Variants in SLC8B1 observed in about 807,000 individuals in gnomAD.
SLC8B1 encodes mitochondrial sodium/calcium exchanger protein.
In SLC8B1, 52 loss-of-function variants were observed where a neutral mutation model predicts 63.4. The ratio of observed to expected loss-of-function variants is 0.82; its 90% CI spans 0.66 to 1.03. The LOEUF is 1.03. Ranked by LOEUF, SLC8B1 falls within the 50% of genes least tolerant of loss-of-function variation. SLC8B1 has a pLI of 0.00. For synonymous variants in SLC8B1, 336 were observed against 323.9 expected, an observed-to-expected ratio of 1.04 and a Z score of -0.40; for missense variants, 657 against 741.7, an observed-to-expected ratio of 0.89 and a Z score of 1.33.
intron 2 of SLC8B1, among the ~76,000 whole-genome samples, chr12:113,327,276 C>A (rs1205124526): frequency 1.3e-5 from 2 of 152,144 alleles, no homozygotes; most frequent in African/African-American, 4.8e-5. Flanking sequence ...CTCTACTGAG[C>A]CCTCCTCTCT....
At chr12:113,306,400 A>C in intron 14 of SLC8B1, 95 bp downstream of exon 14, 1 of 1,070,238 alleles carries the variant, frequency 9.3e-7, no homozygotes, top group Non-Finnish European at 1.3e-6. Context: ...CCCAGGTGTT[A>C]CACCGAGAAC....
Position 113,320,855 on chromosome 12 carries a change from C to T in SLC8B1, c.415G>A (p.Val139Met), listed in dbSNP as rs1253368825. Residue 139 changes from valine to methionine, a missense_variant, in exon 5 of 16, where the codon GTG becomes ATG. Transcript: ENST00000680972. The surrounding 1 kb of genome is among the most constrained non-coding windows in gnomAD (Gnocchi z 5.3). ...GACACTGGACAAAAGGATACTGCCA[C>T]GTTGTGGGAGAGCTTCAGTGTGGTA... ...ISTTLKLSHN[V>M]AGVTFLAFGN... is the part of the protein sequence containing the mutation. The T allele has an allele frequency of 4.4e-6, 7 of 1,604,050 alleles. No homozygotes were observed. The highest frequency in any genetic ancestry group is 3.4e-5 in the South Asian group (3 of 88,822).
chr12:113,328,763 C>CT (rs1566245463), intron 2 of SLC8B1, among the ~76,000 whole-genome samples: 1 of 128,082 alleles, frequency 7.8e-6, no homozygotes. Context: ...TTTTTTTTTC[C>CT]TTTTTTGAGA....
intron 11 of SLC8B1, among the ~76,000 whole-genome samples, chr12:113,311,173 G>A (rs148991971): frequency 3.9e-5 from 6 of 152,106 alleles, no homozygotes; most frequent in East Asian, 1.9e-4. Flanking sequence ...AAATTAGGCC[G>A]GGCACGGTGG....
At chr12:113,331,065 G>A (rs555249590) in intron 2 of SLC8B1, among the ~76,000 whole-genome samples, 2 of 152,108 alleles carry the variant, frequency 1.3e-5, no homozygotes, top group African/African-American at 4.8e-5. Context: ...TCCTCCCTCA[G>A]TGCTCCCCAT....
intron 12 of SLC8B1, 126 bp from the exon 13 acceptor site, chr12:113,307,970 C>T (rs1182117505): frequency 2.1e-5 from 24 of 1,125,120 alleles, no homozygotes; most frequent in Admixed American, 5.6e-5. Context: ...GTATAAAACA[C>T]GTTACTATAT....
chr12:113,311,158 T>A (rs1956754755), intron 11 of SLC8B1, among the ~76,000 whole-genome samples: 1 of 151,560 alleles, frequency 6.6e-6, no homozygotes, highest in South Asian at 2.1e-4. Flanking sequence ...CTACAAAAAA[T>A]ACAAAAATTA....
In SLC8B1 at chr12:113,310,302, C is replaced by T. The variant is rs144722900; in HGVS notation, c.1189G>A (p.Ala397Thr). The T allele has an allele frequency of 2.4e-5, 38 of 1,614,098 alleles. No homozygotes were observed. The highest frequency in any genetic ancestry group is 2.2e-4 in the Admixed American group (13 of 59,990). The change falls in exon 12 of 16, where the codon GCA becomes ACA. Residue 397 changes from alanine to threonine, a missense_variant. Ala to Thr is a moderately conservative substitution (Grantham distance 58, BLOSUM62 0). Coordinates refer to ENST00000680972, the MANE Select transcript of SLC8B1 (RefSeq NM_001358345.2). ...GTCACTGAAGCCAAGGCTGTGCCTG[C>T]GATCACCACCACGACCCAGACGGGA... is the stretch of plus-strand genomic sequence containing the variant. Reference protein sequence around the residue: ...LVPVWVVVVIAGTALASVTFF... With the variant: ...LVPVWVVVVITGTALASVTFF...
chr12:113,332,908 C>A lies in SLC8B1; in HGVS notation c.-30G>T. ...CCCCACGGGGCCTGGCCCTTACTCT[C>A]CACTTCCCTTTCTGCAGTAGCTCAG... On this transcript the variant is annotated 5_prime_UTR_variant, in exon 2 of 16. Coordinates refer to ENST00000680972, the MANE Select transcript of SLC8B1 (RefSeq NM_001358345.2). The A allele has an allele frequency of 6.2e-7, 1 of 1,608,972 alleles. No homozygotes were observed.
In SLC8B1 at chr12:113,316,973, C is replaced by G; in HGVS notation, c.831G>C (p.Arg277=). ...CATAGCTGTTGGTATTAGAAGATAC[C>G]CGGTCCTCCTCGGAGTCTGAGAGGA... ...PEILSDSEED[R]VSSNTNSYDY... is the part of the protein sequence containing the mutation. Residue 277 remains arginine, a synonymous_variant, in exon 9 of 16, where the codon CGG becomes CGC. Transcript: ENST00000680972. The G allele has an allele frequency of 1.9e-6, 3 of 1,613,560 alleles. No homozygotes were observed. In the African/African-American group the frequency reaches 4.0e-5, roughly 22 times the overall value.
rs1483781275 is a variant in SLC8B1, at chr12:113,299,932, G to A, written c.1600C>T (p.Leu534=). The change falls in exon 16 of 16, where the codon CTG becomes TTG. Residue 534 remains leucine (L), a synonymous_variant. Coordinates refer to ENST00000680972, the MANE Select transcript of SLC8B1 (RefSeq NM_001358345.2). ...GLLVWVLAGA[L]GLSLVFSLVS... ...AGGGAGAAGACGAGGCTGAGCCCCAGGGCGCCTGCCAGGACCCACACCAGC... is the reference window on the plus strand; with the variant it reads ...AGGGAGAAGACGAGGCTGAGCCCCAAGGCGCCTGCCAGGACCCACACCAGC... 4 of 1,613,800 alleles carry A rather than the reference G, an allele frequency of 2.5e-6. No homozygotes were observed. Among genetic ancestry groups the A allele is most frequent in the East Asian group, 2.2e-5 (1 of 44,902 alleles).
At chr12:113,325,604 G>A (rs1199662925) in intron 2 of SLC8B1, among the ~76,000 whole-genome samples, 1 of 143,494 alleles carries the variant, frequency 7.0e-6, no homozygotes, top group Non-Finnish European at 1.5e-5. Context: ...TCGCTCTTTC[G>A]CCCAGGCCAG....
rs1956914933 is a variant in SLC8B1 at position 113,320,743 on chromosome 12, C to T, written c.421-57G>A. ...CGCAGCTGCAGCCCACCCAGGCCTT[C>T]GACCCTATCCCCCAGCTTCCCCACA... On this transcript the variant is annotated intron_variant, in intron 5 of 15. Transcript: ENST00000680972. This position sits in a 1 kb window ranked among gnomAD's most constrained non-coding sequence, Gnocchi z 5.3. The T allele has an allele frequency of 3.2e-6, 5 of 1,585,728 alleles. No homozygotes were observed. Among genetic ancestry groups the T allele is most frequent in the South Asian group, 1.1e-5 (1 of 88,190 alleles).
intron 15 of SLC8B1, among the ~76,000 whole-genome samples, chr12:113,301,418 C>T (rs1253983371): frequency 1.4e-5 from 2 of 148,144 alleles, no homozygotes; most frequent in African/African-American, 5.0e-5. Context: ...CTCACAGCAA[C>T]CTCTACCTCC....
At chr12:113,319,292 C>G (rs887127357) in intron 7 of SLC8B1, 5 of 501,750 alleles carry the variant, frequency 1.0e-5, no homozygotes, top group Non-Finnish European at 1.8e-5. Flanking sequence ...GGAGGTAATA[C>G]CCAAGCACAG....
chr12:113,304,874 A>G (rs1387611155), intron 14 of SLC8B1, among the ~76,000 whole-genome samples: 1 of 152,210 alleles, frequency 6.6e-6, no homozygotes, highest in Non-Finnish European at 1.5e-5. Context: ...AAGTGCTGAG[A>G]TTACAGGTAT....
chr12:113,324,608 C>T (rs911030430), intron 2 of SLC8B1, among the ~76,000 whole-genome samples: 5 of 151,808 alleles, frequency 3.3e-5, no homozygotes, highest in Admixed American at 6.6e-5. Context: ...GGTTTCACCA[C>T]GTTGGCCAGG....
intron 15 of SLC8B1, among the ~76,000 whole-genome samples, chr12:113,301,226 ATAAACAG>A (rs1239072963): frequency 2.0e-5 from 3 of 152,074 alleles, no homozygotes; most frequent in Non-Finnish European, 4.4e-5. Context: ...GCAGCCAAAC[ATAAACAG>A]TAGAGTCTGG....
chr12:113,318,992 A>T lies in SLC8B1; in HGVS notation c.774T>A (p.Ser258=), dbSNP rs375564907. The T allele has an allele frequency of 6.2e-7, 1 of 1,613,956 alleles. No homozygotes were observed. Among genetic ancestry groups the T allele is most frequent in the Non-Finnish European group, 8.5e-7 (1 of 1,179,962 alleles). Reference sequence around the variant, plus strand: ...GAGTAACTGGCATGGGGCAGAACAGAGATCCTCTCCGTTGCCGTTGGTAGA... The same window carrying T: ...GAGTAACTGGCATGGGGCAGAACAGTGATCCTCTCCGTTGCCGTTGGTAGA... ...TWIYQRQRRG[S]LFCPMPVTPE... Residue 258 remains serine (S), a synonymous_variant, in exon 8 of 16, where the codon TCT becomes TCA. Coordinates refer to ENST00000680972, the MANE Select transcript of SLC8B1 (RefSeq NM_001358345.2).
Sources: gnomAD v4.1 joint callset for allele counts (sites outside exome capture counted in the v4.1 genomes callset) on GRCh38, gnomAD v4.1.1 for gene constraint, Gnocchi (gnomAD v3.1) non-coding constraint, MANE v1.5 for transcripts, NCBI Gene and HGNC (gene_info 2026-07-23, HGNC 2026-07-21) for gene names.